Variants in RAD51B observed in about 807,000 individuals in gnomAD.
RAD51B encodes the protein RAD51 paralog B.
RAD51B carries 38 observed loss-of-function variants against 42.2 expected under a neutral mutation model. The observed-to-expected ratio is 0.90, with a 90% CI of 0.70 to 1.18. RAD51B has a LOEUF of 1.18. Ranked by LOEUF, RAD51B falls within the 50% of genes most tolerant of loss-of-function variation. The pLI is 0.00. For synonymous variants in RAD51B, 154 were observed against 145.2 expected, an observed-to-expected ratio of 1.06 and a Z score of -0.43; for missense variants, 373 against 400.7, an observed-to-expected ratio of 0.93 and a Z score of 0.59.
intron 7 of RAD51B, among the ~76,000 whole-genome samples, chr14:68,204,060 A>G (rs1040899397): frequency 2.0e-5 from 3 of 152,186 alleles, no homozygotes; most frequent in Non-Finnish European, 2.9e-5. Context: ...TAGCACTTCT[A>G]ATTTCCTTCA....
downstream of RAD51B, among the ~76,000 whole-genome samples, chr14:68,596,451 A>G (rs1349216663): frequency 1.3e-5 from 2 of 152,176 alleles, no homozygotes; most frequent in African/African-American, 4.8e-5. Flanking sequence ...GACAAAAAAG[A>G]AAGGGGCTGG....
chr14:68,038,239 A>G (rs2076163811), intron 7 of RAD51B, among the ~76,000 whole-genome samples: 1 of 152,232 alleles, frequency 6.6e-6, no homozygotes, highest in South Asian at 2.1e-4. Flanking sequence ...ATCGGCATGT[A>G]ATGATAGCAT....
At chr14:68,201,954 G>A (rs1250711567) in intron 7 of RAD51B, among the ~76,000 whole-genome samples, 1 of 152,160 alleles carries the variant, frequency 6.6e-6, no homozygotes, top group Non-Finnish European at 1.5e-5. Context: ...ATATCTTGGA[G>A]ATATTGAGGG....
chr14:68,276,090 G>A (rs1466489281), intron 7 of RAD51B, among the ~76,000 whole-genome samples: 6 of 152,034 alleles, frequency 3.9e-5, no homozygotes, highest in Non-Finnish European at 7.4e-5. Flanking sequence ...ATGAATCCCT[G>A]GTATAAATAC....
chr14:68,327,662 A>G (rs1335529969), intron 8 of RAD51B, among the ~76,000 whole-genome samples: 1 of 152,156 alleles, frequency 6.6e-6, no homozygotes, highest in East Asian at 1.9e-4. Context: ...CCAAAGGTAA[A>G]CAGACTGTAA....
chr14:68,436,686 G>T (rs1159712338), intron 9 of RAD51B, among the ~76,000 whole-genome samples: 1 of 152,070 alleles, frequency 6.6e-6, no homozygotes, highest in South Asian at 2.1e-4. Context: ...GATCCTCTCT[G>T]ATTTCTTTTA....
intron 10 of RAD51B, among the ~76,000 whole-genome samples, chr14:68,564,448 C>A (rs1889318688): frequency 6.6e-6 from 1 of 152,170 alleles, no homozygotes; most frequent in Non-Finnish European, 1.5e-5. Flanking sequence ...GCGATGCCTC[C>A]CAGCAGGGGA....
intron 8 of RAD51B, among the ~76,000 whole-genome samples, chr14:68,303,215 C>T (rs2081782937): frequency 6.6e-6 from 1 of 152,054 alleles, no homozygotes; most frequent in South Asian, 2.1e-4. Flanking sequence ...GCAAACTAAT[C>T]CAAGAACAGA....
intron 8 of RAD51B, among the ~76,000 whole-genome samples, chr14:68,356,466 C>A (rs1422887719): frequency 3.3e-5 from 5 of 150,394 alleles, no homozygotes; most frequent in African/African-American, 1.2e-4. Flanking sequence ...GTTATGTTTA[C>A]ACTCTACTCT....
chr14:67,952,946 T>C (rs1446312439), intron 7 of RAD51B, among the ~76,000 whole-genome samples: 1 of 152,122 alleles, frequency 6.6e-6, no homozygotes, highest in Admixed American at 6.6e-5. Flanking sequence ...CTTTGGCATC[T>C]TAAACTGAAT....
At chr14:68,299,745 A>G (rs567569513) in intron 8 of RAD51B, among the ~76,000 whole-genome samples, 5 of 152,226 alleles carry the variant, frequency 3.3e-5, no homozygotes, top group Admixed American at 6.5e-5. Context: ...ATTTTTATCC[A>G]CTAAGCTCTT....
intron 5 of RAD51B, among the ~76,000 whole-genome samples, chr14:67,882,719 T>G (rs1431765718): frequency 2.0e-5 from 3 of 152,128 alleles, no homozygotes; most frequent in Non-Finnish European, 4.4e-5. Flanking sequence ...TCCATTCTTC[T>G]AGACACTCAC....
intron 10 of RAD51B, among the ~76,000 whole-genome samples, chr14:68,646,043 A>T (rs1041233133): frequency 6.6e-6 from 1 of 150,844 alleles, no homozygotes; most frequent in African/African-American, 2.4e-5. Context: ...ATATACCTGA[A>T]ATTCAAAGTT....
At chr14:68,130,087 C>G (rs186415208) in intron 7 of RAD51B, 1 of 152,340 alleles carries the variant, frequency 6.6e-6, no homozygotes, top group Admixed American at 6.5e-5. Context: ...AGTCCTCTTC[C>G]AAGATCATTC....
chr14:67,977,501 C>T (rs1002652586), intron 7 of RAD51B, among the ~76,000 whole-genome samples: 2 of 152,224 alleles, frequency 1.3e-5, no homozygotes, highest in Non-Finnish European at 2.9e-5. Context: ...TAGAGCAGAA[C>T]AGGTATTAAG....
chr14:68,259,744 G>A (rs1451369773), intron 7 of RAD51B, among the ~76,000 whole-genome samples: 1 of 152,132 alleles, frequency 6.6e-6, no homozygotes, highest in East Asian at 1.9e-4. Context: ...TCCCTCCCTA[G>A]CCCCTTTTCT....
chr14:67,831,595 G>A (rs952639155), intron 3 of RAD51B, among the ~76,000 whole-genome samples: 1 of 152,086 alleles, frequency 6.6e-6, no homozygotes, highest in Non-Finnish European at 1.5e-5. Flanking sequence ...GGAGTGCAGT[G>A]GCGTGATCTT....
At chr14:68,575,163 A>G (rs1889904675) in intron 10 of RAD51B, among the ~76,000 whole-genome samples, 1 of 152,156 alleles carries the variant, frequency 6.6e-6, no homozygotes, top group Non-Finnish European at 1.5e-5. Context: ...CCTCAGTGGG[A>G]GCTTCTCAGC....
At chr14:68,157,428 A>T (rs963878206) in intron 7 of RAD51B, among the ~76,000 whole-genome samples, 2 of 152,152 alleles carry the variant, frequency 1.3e-5, no homozygotes, top group Non-Finnish European at 2.9e-5. Context: ...AAAGATGGGG[A>T]TACTATATAG....
Sources: allele counts gnomAD v4.1 joint callset (sites outside exome capture counted in the v4.1 genomes callset), GRCh38; gene constraint gnomAD v4.1.1; transcripts MANE v1.5; gene names NCBI Gene and HGNC (gene_info 2026-07-23, HGNC 2026-07-21).